MAST4: variants seen among roughly 807,000 people sequenced by gnomAD.
MAST4 encodes the protein microtubule associated serine/threonine kinase family member 4, also known as microtubule-associated serine/threonine-protein kinase 4.
A neutral mutation model predicts 162.7 loss-of-function variants in MAST4; 89 were observed. The observed-to-expected ratio is 0.55, with a 90% confidence interval of 0.46 to 0.65. The LOEUF is 0.65. MAST4 is among the 30% of genes least tolerant of loss of function. MAST4 has a pLI of 0.00. For synonymous variants in MAST4, 1,479 were observed against 1,361.1 expected (o/e 1.09, Z -1.91); for missense variants, 3,153 against 3,374.0 (o/e 0.93, Z 1.62).
Position 67,167,113 on chromosome 5 carries a change from T to C in MAST4, c.*62T>C. The C allele has an allele frequency of 1.4e-6, 2 of 1,410,690 alleles. No individual in the cohort carries two copies. The highest frequency in any genetic ancestry group is 2.4e-5 in the East Asian group (1 of 41,696). 87.4% of individuals were successfully genotyped at this position (1,410,690 alleles called of 1,614,324 possible). A position where few individuals can be genotyped will look rare whatever the true frequency, so the allele number is the denominator to read the frequency against. ...CCTGAACGGGCGACTGTGTCTTGAC[T>C]ACCTTTCAAAACCAGCACTGTGTGG... On this transcript the variant is annotated 3_prime_UTR_variant, in exon 29 of 29. Transcript: ENST00000403625.
chr5:66,874,119 C>T (rs1463169386), intron 3 of MAST4, among the ~76,000 whole-genome samples: 3 of 152,060 alleles, frequency 2.0e-5, no homozygotes, highest in Non-Finnish European at 2.9e-5. Context: ...AGTATTGTGC[C>T]TCTGATTGGC....
Position 67,168,877 on chromosome 5 carries a change from T to C in MAST4, c.*1826T>C, listed in dbSNP as rs1027466415. ...AGTTGTCCTTCGTTGTAAAATGAAT[T>C]GGCTTTGGGAAAAAGGAAAAAAACA... On this transcript the variant is annotated 3_prime_UTR_variant, in exon 29 of 29. Coordinates refer to ENST00000403625, the MANE Select transcript of MAST4 (RefSeq NM_001164664.2). 2 of 152,108 alleles carry C rather than the reference T, an allele frequency of 1.3e-5. No individual in the cohort carries two copies. Among genetic ancestry groups the C allele is most frequent in the African/African-American group, 4.8e-5 (2 of 41,412 alleles). 9.4% of individuals were successfully genotyped at this position (152,108 alleles called of 1,614,324 possible). A position where few individuals can be genotyped will look rare whatever the true frequency, so the allele number is the denominator to read the frequency against.
chr5:67,009,514 C>T lies in MAST4; in HGVS notation c.675-44890C>T, dbSNP rs556900273. On this transcript the variant is annotated intron_variant, in intron 4 of 28. Transcript: ENST00000403625. ...TGAGATTGGTTATGTTAACTTTGGACTTCACTTGCTCCGTCTATAAAATAG... is the reference window on the plus strand; with the variant it reads ...TGAGATTGGTTATGTTAACTTTGGATTTCACTTGCTCCGTCTATAAAATAG... Among the ~76,000 whole-genome samples, 7 of 152,308 alleles carry T rather than the reference C, an allele frequency of 4.6e-5. No individual in the cohort carries two copies. The South Asian group carries it at 1.4e-3, about 32-fold the overall frequency.
At chr5:66,875,305 C>T (rs1443310959) in intron 3 of MAST4, among the ~76,000 whole-genome samples, 1 of 152,134 alleles carries the variant, frequency 6.6e-6, no homozygotes, top group African/African-American at 2.4e-5. Context: ...TTATAAAAGC[C>T]TTCAGGGATG....
chr5:66,941,696 G>A (rs148887736), intron 4 of MAST4, among the ~76,000 whole-genome samples: 4 of 152,204 alleles, frequency 2.6e-5, no homozygotes, highest in African/African-American at 9.6e-5. Context: ...TACCTGTTTG[G>A]TGCAGAAGGT....
chr5:66,965,212 T>TG (rs1397408587), intron 4 of MAST4, among the ~76,000 whole-genome samples: 1 of 150,618 alleles, frequency 6.6e-6, no homozygotes, highest in Non-Finnish European at 1.5e-5. Flanking sequence ...GAGTAGTTTT[T>TG]TTTTTTTTTT....
chr5:66,796,921 T>C (rs1051772657), intron 3 of MAST4, among the ~76,000 whole-genome samples: 3 of 152,216 alleles, frequency 2.0e-5, no homozygotes, highest in Admixed American at 6.5e-5. Flanking sequence ...AAAGGAACAC[T>C]GAGGAGATCT....
At chr5:66,861,918 T>C (rs913863539) in intron 3 of MAST4, among the ~76,000 whole-genome samples, 1 of 152,302 alleles carries the variant, frequency 6.6e-6, no homozygotes. Flanking sequence ...GATTGGTGTG[T>C]ATGTGGGCTC....
In MAST4 at chr5:67,167,229, G is replaced by T; in HGVS notation, c.*178G>T. ...CCTTCTTCCAGATGCCTTCCCAGTTGTAACCGGTAAAACTGTTACCAGATA... is the reference window on the plus strand; with the variant it reads ...CCTTCTTCCAGATGCCTTCCCAGTTTTAACCGGTAAAACTGTTACCAGATA... On this transcript the variant is annotated 3_prime_UTR_variant, in exon 29 of 29. Coordinates refer to ENST00000403625, the MANE Select transcript of MAST4 (RefSeq NM_001164664.2). 2.3e-5 allele frequency: 3 copies of T among 133,040 alleles called. No homozygotes were observed. Among genetic ancestry groups the T allele is most frequent in the Admixed American group, 1.1e-4 (1 of 8,928 alleles). The allele number at this position is 133,040 out of a possible 1,614,324, so 8.2% of individuals were successfully genotyped here. A position where few individuals can be genotyped will look rare whatever the true frequency, so the allele number is the denominator to read the frequency against.
chr5:66,698,546 G>A (rs1288448139), intron 1 of MAST4, among the ~76,000 whole-genome samples: 1 of 152,012 alleles, frequency 6.6e-6, no homozygotes, highest in Non-Finnish European at 1.5e-5. Context: ...TCCTCCATCT[G>A]GACATTTGCT....
intron 3 of MAST4, among the ~76,000 whole-genome samples, chr5:66,880,313 C>A (rs189841560): frequency 1.9e-3 from 287 of 152,264 alleles, no homozygotes; most frequent in Admixed American, 3.7e-3. Context: ...AAACTTAGAA[C>A]AGTGGTTCTC....
At chr5:67,123,949 C>T (rs1430218694) in intron 14 of MAST4, among the ~76,000 whole-genome samples, 1 of 152,192 alleles carries the variant, frequency 6.6e-6, no homozygotes, top group Non-Finnish European at 1.5e-5. Context: ...CTCTGGCACA[C>T]ACACACCCTC....
rs539254665 is a variant in MAST4, at chr5:66,754,960, G to A, written c.364-4749G>A. 4.1e-4 allele frequency among the ~76,000 whole-genome samples: 63 copies of A among 152,288 alleles called. No individual in the cohort carries two copies. The South Asian group carries it at 5.2e-3, about 13-fold the overall frequency. On this transcript the variant is annotated intron_variant, in intron 1 of 28. Coordinates refer to ENST00000403625, the MANE Select transcript of MAST4 (RefSeq NM_001164664.2). ...AGGTCCTGGGTGGGAAGAGCCTGGG[G>A]CATCCAAGGTCTGGCAAGAGACCAA... is the stretch of plus-strand genomic sequence containing the variant.
intron 3 of MAST4, among the ~76,000 whole-genome samples, chr5:66,835,762 C>A (rs1441276318): frequency 1.3e-5 from 2 of 152,096 alleles, no homozygotes; most frequent in Non-Finnish European, 2.9e-5. Context: ...TTTAAAGTGT[C>A]TTAGAAATTA....
chr5:67,075,491 T>A (rs1581452363), intron 5 of MAST4, among the ~76,000 whole-genome samples: 1 of 146,176 alleles, frequency 6.8e-6, no homozygotes, highest in African/African-American at 2.5e-5. Context: ...GTGTTTTTTT[T>A]ATGACATGCA....
intron 1 of MAST4, among the ~76,000 whole-genome samples, chr5:66,608,807 C>T (rs542821620): frequency 2.8e-3 from 30 of 10,884 alleles, no homozygotes; most frequent in South Asian, 9.3e-3. Context: ...CAGGGGAAAG[C>T]GGGGGGCGGG....
intron 6 of MAST4, among the ~76,000 whole-genome samples, chr5:67,091,901 G>A (rs1316400236): frequency 2.0e-5 from 3 of 152,088 alleles, no homozygotes; most frequent in East Asian, 1.9e-4. Flanking sequence ...ATGAATTTCC[G>A]AATGGAACTC....
chr5:66,847,064 C>T (rs961901953), intron 3 of MAST4, among the ~76,000 whole-genome samples: 1 of 152,032 alleles, frequency 6.6e-6, no homozygotes, highest in African/African-American at 2.4e-5. Context: ...TACGTAGCCT[C>T]AACAATAACT....
At chr5:66,699,554 T>A (rs1054083373) in intron 1 of MAST4, among the ~76,000 whole-genome samples, 1 of 152,134 alleles carries the variant, frequency 6.6e-6, no homozygotes, top group African/African-American at 2.4e-5. Flanking sequence ...ATATGGTACA[T>A]ATACATCATG....
Sources: gnomAD v4.1 joint callset for allele counts (sites outside exome capture counted in the v4.1 genomes callset) on GRCh38, gnomAD v4.1.1 for gene constraint, MANE v1.5 for transcripts, NCBI Gene and HGNC (gene_info 2026-07-23, HGNC 2026-07-21) for gene names.